The following GLRA1 variants were observed in gnomAD, a reference collection of about 807,000 sequenced individuals.
GLRA1 encodes glycine receptor subunit alpha-1.
Under a neutral mutation model 48.3 loss-of-function variants are expected in GLRA1, and 37 were observed. The observed-to-expected ratio is 0.77, with a 90% confidence interval of 0.59 to 1.01. The LOEUF is 1.01. Ranked by LOEUF, GLRA1 falls within the 50% of genes least tolerant of loss-of-function variation. The probability of loss-of-function intolerance (pLI) is 0.00; values close to 1 mark genes in which losing one functional copy is unlikely to be tolerated. For synonymous variants in GLRA1, 196 were observed against 210.7 expected, an observed-to-expected ratio of 0.93 and a Z score of 0.60; for missense variants, 427 against 571.0, an observed-to-expected ratio of 0.75 and a Z score of 2.57.
At chr5:151,875,271 A>G (rs979292209) in intron 3 of GLRA1, among the ~76,000 whole-genome samples, 1 of 152,104 alleles carries the variant, frequency 6.6e-6, no homozygotes, top group African/African-American at 2.4e-5. Context: ...CCTGGGCTCA[A>G]GTGATCTCCT....
chr5:151,881,186 C>T (rs1450450919), intron 3 of GLRA1, among the ~76,000 whole-genome samples: 2 of 152,190 alleles, frequency 1.3e-5, no homozygotes, highest in Non-Finnish European at 2.9e-5. Flanking sequence ...CCAGTGCACA[C>T]ACTTACACAC....
rs558499373 is a variant in GLRA1 at position 151,886,934 on chromosome 5, C to G, written c.185-146G>C. On this transcript the variant is annotated intron_variant, in intron 2 of 8. Coordinates refer to ENST00000274576, the MANE Select transcript of GLRA1 (RefSeq NM_000171.4). ...TGCTCTCCACCCCACCCCCAAGCACCTGGGATTCCCAGCCACCATTTAACA... is the reference window on the plus strand; with the variant it reads ...TGCTCTCCACCCCACCCCCAAGCACGTGGGATTCCCAGCCACCATTTAACA... 3.1e-5 allele frequency: 22 copies of G among 704,116 alleles called. No individual in the cohort carries two copies. In the South Asian group the frequency reaches 3.3e-4, roughly 11 times the overall value. 43.6% of individuals were successfully genotyped at this position (704,116 alleles called of 1,614,324 possible). A position where few individuals can be genotyped will look rare whatever the true frequency, so the allele number is the denominator to read the frequency against.
chr5:151,892,280 C>T (rs752203572), intron 2 of GLRA1, 31 bp downstream of exon 2: 18 of 1,609,372 alleles, frequency 1.1e-5, no homozygotes, highest in Non-Finnish European at 1.5e-5. Flanking sequence ...AAAGCATTTC[C>T]CTGTGGGTCT....
At chr5:151,908,084 G>A (rs1754521357) in intron 1 of GLRA1, among the ~76,000 whole-genome samples, 1 of 152,294 alleles carries the variant, frequency 6.6e-6, no homozygotes, top group Non-Finnish European at 1.5e-5. Flanking sequence ...GGCTCTCTCA[G>A]CAGCCTTCCT....
intron 7 of GLRA1, among the ~76,000 whole-genome samples, chr5:151,831,575 C>T (rs897538577): frequency 3.3e-5 from 5 of 151,118 alleles, no homozygotes; most frequent in Admixed American, 1.3e-4. Context: ...TCAGCAAAGC[C>T]TCTGTAGCCA....
At chr5:151,840,849 C>T (rs1310575511) in intron 7 of GLRA1, among the ~76,000 whole-genome samples, 4 of 151,984 alleles carry the variant, frequency 2.6e-5, no homozygotes, top group Non-Finnish European at 5.9e-5. Context: ...TTATAAACAT[C>T]TATGCATCTA....
chr5:151,902,888 T>A (rs1343743312), intron 1 of GLRA1, among the ~76,000 whole-genome samples: 1 of 152,256 alleles, frequency 6.6e-6, no homozygotes. Context: ...CAGGTTCACC[T>A]GACCTTACAA....
intron 1 of GLRA1, among the ~76,000 whole-genome samples, chr5:151,918,481 T>C (rs1754792352): frequency 2.0e-5 from 3 of 152,210 alleles, no homozygotes; most frequent in African/African-American, 7.2e-5. Context: ...TGATTTCCTT[T>C]TAATAATTCT....
intron 3 of GLRA1, among the ~76,000 whole-genome samples, chr5:151,861,240 C>A (rs1344999270): frequency 1.3e-5 from 2 of 152,038 alleles, no homozygotes; most frequent in African/African-American, 2.4e-5. Context: ...GGGTATATAC[C>A]CAGTAATGGG....
rs113855329 is a variant in GLRA1, at chr5:151,892,695, C to G, written c.57-257G>C. 7.2e-3 allele frequency among the ~76,000 whole-genome samples: 1,103 copies of G among 152,300 alleles called. 5 individuals are homozygous for G. The highest frequency in any genetic ancestry group is 0.011 in the Non-Finnish European group (778 of 68,022). On this transcript the variant is annotated intron_variant, in intron 1 of 8. Coordinates refer to ENST00000274576, the MANE Select transcript of GLRA1 (RefSeq NM_000171.4). ...GTCACGGACATTTTTAAGGCTTCAT[C>G]TCTGGGATTTTGAGTAATCACACTT...
chr5:151,898,766 G>C (rs868478762), intron 1 of GLRA1, among the ~76,000 whole-genome samples: 8 of 152,178 alleles, frequency 5.3e-5, no homozygotes, highest in Non-Finnish European at 1.2e-4. Context: ...CTGTAAAAAC[G>C]AAGGAGTTTG....
intron 3 of GLRA1, among the ~76,000 whole-genome samples, chr5:151,884,573 C>T (rs1346237918): frequency 1.3e-5 from 2 of 152,200 alleles, no homozygotes; most frequent in Admixed American, 6.5e-5. Flanking sequence ...ATAAGCTCCT[C>T]GTAGACAGAG....
rs185930079 is a variant in GLRA1, at chr5:151,878,737, C to T, written c.252+7984G>A. The stretch of plus-strand genomic sequence containing the variant: ...AAGCCCCAAGCCTTGGCAGCTTCCA[C>T]GTGGCATTGAGCCTGCGGGTGCACA... On this transcript the variant is annotated intron_variant, in intron 3 of 8. Coordinates refer to ENST00000274576, the MANE Select transcript of GLRA1 (RefSeq NM_000171.4). 6.6e-4 allele frequency among the ~76,000 whole-genome samples: 101 copies of T among 152,310 alleles called. 1 individual carries two copies. Among genetic ancestry groups the T allele is most frequent in the Middle Eastern group, 3.4e-3 (1 of 294 alleles).
At chr5:151,844,636 A>AAAAAAAAAAAG (rs1752616844) in intron 7 of GLRA1, among the ~76,000 whole-genome samples, 1 of 147,786 alleles carries the variant, frequency 6.8e-6, no homozygotes, top group African/African-American at 2.5e-5. Flanking sequence ...AAAAAAAAAA[A>AAAAAAAAAAAG]AAAAAGAAAA....
In GLRA1 at chr5:151,904,868, T is replaced by C. The variant is rs145928844; in HGVS notation, c.57-12430A>G. 6.0e-3 allele frequency among the ~76,000 whole-genome samples: 911 copies of C among 152,294 alleles called. 1 individual carries two copies. Among genetic ancestry groups the C allele is most frequent in the Non-Finnish European group, 9.9e-3 (675 of 68,014 alleles). The stretch of plus-strand genomic sequence containing the variant: ...TAGGCTTTGTGATGGGGGATGAATA[T>C]ATGAACTTCCAGAAGCTTTTTGTGC... On this transcript the variant is annotated intron_variant, in intron 1 of 8. Coordinates refer to ENST00000274576, the MANE Select transcript of GLRA1 (RefSeq NM_000171.4).
chr5:151,854,038 G>A (rs1752975579), intron 6 of GLRA1, among the ~76,000 whole-genome samples: 1 of 152,186 alleles, frequency 6.6e-6, no homozygotes, highest in African/African-American at 2.4e-5. Flanking sequence ...TTATTGGTCA[G>A]TTATACCTTA....
At chr5:151,858,449 G>C (rs957411787) in intron 4 of GLRA1, among the ~76,000 whole-genome samples, 1 of 152,182 alleles carries the variant, frequency 6.6e-6, no homozygotes, top group African/African-American at 2.4e-5. Flanking sequence ...GCTTCCTAGA[G>C]ATAGGAAATT....
chr5:151,918,192 C>A (rs1298584070), intron 1 of GLRA1, among the ~76,000 whole-genome samples: 1 of 152,166 alleles, frequency 6.6e-6, no homozygotes, highest in Non-Finnish European at 1.5e-5. Flanking sequence ...TGTGGATAAG[C>A]CCCTCTCCCC....
intron 3 of GLRA1, among the ~76,000 whole-genome samples, chr5:151,880,953 A>T (rs1216270936): frequency 6.6e-6 from 1 of 152,266 alleles, no homozygotes; most frequent in Non-Finnish European, 1.5e-5. Context: ...TCACAGATAC[A>T]TGTGTATTCA....
Sources: allele counts gnomAD v4.1 joint callset (sites outside exome capture counted in the v4.1 genomes callset), GRCh38; gene constraint gnomAD v4.1.1; transcripts MANE v1.5; gene names NCBI Gene and HGNC (gene_info 2026-07-23, HGNC 2026-07-21).